USP6NL: variants seen among roughly 807,000 people sequenced by gnomAD.
USP6NL encodes USP6 N-terminal-like protein.
USP6NL carries 26 observed loss-of-function variants against 61.9 expected under a neutral mutation model. The observed-to-expected ratio is 0.42, with a 90% CI of 0.31 to 0.58. The LOEUF is 0.58. Among genes scored for constraint, USP6NL ranks in the 20% least tolerant of loss-of-function variants. The pLI, the probability that USP6NL is intolerant of heterozygous loss-of-function variation, is 0.16. For synonymous variants in USP6NL, 432 were observed against 390.1 expected (o/e 1.11, Z -1.27); for missense variants, 1,114 against 1,034.3 (o/e 1.08, Z -1.06).
intron 2 of USP6NL, chr10:11,573,590 A>C: frequency 2.5e-6 from 1 of 398,818 alleles, no homozygotes; most frequent in South Asian, 1.3e-4. Flanking sequence ...TTGATTGTTC[A>C]TTCTGCTAAT....
intron 1 of USP6NL, among the ~76,000 whole-genome samples, chr10:11,603,556 C>A (rs945261720): frequency 9.2e-5 from 14 of 152,178 alleles, no homozygotes; most frequent in African/African-American, 2.9e-4. Flanking sequence ...AGCACTATAG[C>A]AGACACCATG....
Position 11,490,933 on chromosome 10 carries a change from A to G in USP6NL, c.495-53T>C. 19 of 1,453,292 alleles carry G rather than the reference A, an allele frequency of 1.3e-5. No homozygotes were observed. Among genetic ancestry groups the G allele is most frequent in the Non-Finnish European group, 1.8e-5 (19 of 1,084,008 alleles). The allele number at this position is 1,453,292 out of a possible 1,614,324, so 90.0% of individuals were successfully genotyped here. A position where few individuals can be genotyped will look rare whatever the true frequency, so the allele number is the denominator to read the frequency against. ...AATTTAGTAATTTCACATATTTTAA[A>G]AATTACAAACTTAAAAAAATAAACC... On this transcript the variant is annotated intron_variant, in intron 8 of 14. Transcript: ENST00000609104. The surrounding 1 kb of genome is among the most constrained non-coding windows in gnomAD (Gnocchi z 4.5).
chr10:11,502,975 C>T (rs1341203222), intron 6 of USP6NL, among the ~76,000 whole-genome samples: 1 of 152,134 alleles, frequency 6.6e-6, no homozygotes, highest in African/African-American at 2.4e-5. Context: ...ACATGCTCGA[C>T]AAGCATGTGT....
At position 11,470,182 on chromosome 10, in the gene USP6NL, A is replaced by C. The variant is rs1443608037; in HGVS notation, c.1079-6333T>G. Among the ~76,000 whole-genome samples the C allele has an allele frequency of 6.6e-6, 1 of 152,144 alleles. No individual in the cohort carries two copies. The highest frequency in any genetic ancestry group is 6.6e-5 in the Admixed American group (1 of 15,266). On this transcript the variant is annotated intron_variant, in intron 14 of 14. Coordinates refer to ENST00000609104, the MANE Select transcript of USP6NL (RefSeq NM_014688.5). The surrounding 1 kb of genome is among the most constrained non-coding windows in gnomAD (Gnocchi z 5.4). ...GGCGGGGAGGTCACGGAAGGCAAGT[A>C]ATGGAGAGGACCAGAGAAGCAGCCA...
chr10:11,503,622 T>G (rs570192663), intron 6 of USP6NL, among the ~76,000 whole-genome samples: 1 of 152,188 alleles, frequency 6.6e-6, no homozygotes, highest in Non-Finnish European at 1.5e-5. Context: ...GCATTTACCA[T>G]GCACAAGAAA....
rs77896587 is a variant in USP6NL, at chr10:11,597,704, G to A, written c.-70C>T. The A allele has an allele frequency of 4.7e-4, 591 of 1,248,052 alleles. 3 individuals carry two copies. In the East Asian group the frequency reaches 0.014, roughly 29 times the overall value. The allele number at this position is 1,248,052 out of a possible 1,614,324, so 77.3% of individuals were successfully genotyped here. ...AAAATCTGCTGTCCAAGGTTTCTCA[G>A]AGGAATACATGTCCTAGTCAGGAAA... On this transcript the variant is annotated 5_prime_UTR_variant, in exon 2 of 15. Coordinates refer to ENST00000609104, the MANE Select transcript of USP6NL (RefSeq NM_014688.5). The surrounding 1 kb of genome is among the most constrained non-coding windows in gnomAD (Gnocchi z 4.6).
At chr10:11,560,220 T>C (rs1265645582) in intron 2 of USP6NL, among the ~76,000 whole-genome samples, 1 of 152,128 alleles carries the variant, frequency 6.6e-6, no homozygotes, top group Non-Finnish European at 1.5e-5. Context: ...ACATAAACTA[T>C]CTCCACTTAA....
At chr10:11,560,715 T>A (rs11257170) in intron 2 of USP6NL, among the ~76,000 whole-genome samples, 708 of 37,888 alleles carry the variant, frequency 0.019, 3 homozygotes, top group East Asian at 0.14. Context: ...ATATATATAT[T>A]ATATATATAT....
At chr10:11,580,500 A>C (rs752851028) in intron 2 of USP6NL, among the ~76,000 whole-genome samples, 1 of 152,214 alleles carries the variant, frequency 6.6e-6, no homozygotes, top group East Asian at 1.9e-4. Flanking sequence ...ACAAGAACTT[A>C]ATAAAGTTTC....
At chr10:11,538,860 C>A (rs1201845429) in intron 2 of USP6NL, among the ~76,000 whole-genome samples, 2 of 152,166 alleles carry the variant, frequency 1.3e-5, no homozygotes, top group African/African-American at 4.8e-5. Flanking sequence ...ATGAAGTGCT[C>A]GAGAGACTCA....
At chr10:11,536,358 G>A (rs888316865) in intron 2 of USP6NL, among the ~76,000 whole-genome samples, 1 of 152,206 alleles carries the variant, frequency 6.6e-6, no homozygotes, top group Non-Finnish European at 1.5e-5. Flanking sequence ...GGCCCAGAGA[G>A]ATGTGCATAT....
Position 11,463,610 on chromosome 10 carries a change from TCTC to T in USP6NL, c.1315_1317del (p.Glu439del). 1.2e-6 allele frequency: 2 copies of T among 1,613,972 alleles called. No individual in the cohort carries two copies. The highest frequency in any genetic ancestry group is 1.1e-5 in the South Asian group (1 of 91,082). On this transcript the variant is annotated inframe_deletion, in exon 15 of 15. Coordinates refer to ENST00000609104, the MANE Select transcript of USP6NL (RefSeq NM_014688.5). The surrounding 1 kb of genome is among the most constrained non-coding windows in gnomAD (Gnocchi z 6.3). ...TCTGCCTCATCTTTAAGCTTTTTGC[TCTC>T]CTCCTCCACCGATTTCCGTCTTGGC... is the stretch of plus-strand genomic sequence containing the variant.
At chr10:11,582,963 C>T (rs1003851323) in intron 2 of USP6NL, among the ~76,000 whole-genome samples, 5 of 148,880 alleles carry the variant, frequency 3.4e-5, no homozygotes, top group African/African-American at 1.2e-4. Context: ...ATGCGAATTG[C>T]TGTTTTACAG....
chr10:11,504,884 T>G (rs1039675183), intron 6 of USP6NL, among the ~76,000 whole-genome samples: 2 of 152,192 alleles, frequency 1.3e-5, no homozygotes, highest in South Asian at 2.1e-4. Context: ...GACTCCCCAG[T>G]GAGCCAGAGT....
Position 11,532,150 on chromosome 10 carries a change from AAC to A in USP6NL, c.5-4585_5-4584del, listed in dbSNP as rs1369188209. 6.7e-7 allele frequency: 1 copy of A among 1,485,566 alleles called. No homozygotes were observed. Among genetic ancestry groups the A allele is most frequent in the East Asian group, 2.3e-5 (1 of 43,218 alleles). The allele number at this position is 1,485,566 out of a possible 1,614,324, so 92.0% of individuals were successfully genotyped here. A position where few individuals can be genotyped will look rare whatever the true frequency, so the allele number is the denominator to read the frequency against. On this transcript the variant is annotated intron_variant, in intron 2 of 14. Transcript: ENST00000609104. The surrounding 1 kb of genome is among the most constrained non-coding windows in gnomAD (Gnocchi z 4.1). ...TTGACAGATGAACGTTAAAAATATA[AAC>A]AACATCAATTTTAAAAGTACTTTAC... is the stretch of plus-strand genomic sequence containing the variant.
rs1833863156 is a variant in USP6NL, at chr10:11,495,086, C to T, written c.385-1858G>A. Among the ~76,000 whole-genome samples the T allele has an allele frequency of 6.6e-6, 1 of 152,210 alleles. No homozygotes were observed. The highest frequency in any genetic ancestry group is 2.4e-5 in the African/African-American group (1 of 41,452). ...AGACCTCGGTCCGCCTGGCAACGGG[C>T]GTCTTCCCAGATGCTGGCGTTACCG... On this transcript the variant is annotated intron_variant, in intron 7 of 14. Coordinates refer to ENST00000609104, the MANE Select transcript of USP6NL (RefSeq NM_014688.5). The surrounding 1 kb of genome is among the most constrained non-coding windows in gnomAD (Gnocchi z 4.6).
chr10:11,501,277 CT>C (rs1253315453), intron 6 of USP6NL, 69 bp from the exon 7 acceptor site: 1 of 1,221,870 alleles, frequency 8.2e-7, no homozygotes, highest in Non-Finnish European at 1.1e-6. Context: ...TACAGTTAAT[CT>C]TGCTAATATT....
At chr10:11,512,874 G>A (rs1354289040) in intron 5 of USP6NL, among the ~76,000 whole-genome samples, 1 of 152,088 alleles carries the variant, frequency 6.6e-6, no homozygotes, top group Non-Finnish European at 1.5e-5. Flanking sequence ...AGATGACCTG[G>A]GTTCAAATCT....
At chr10:11,500,679 C>T (rs533229201) in intron 7 of USP6NL, among the ~76,000 whole-genome samples, 3 of 152,048 alleles carry the variant, frequency 2.0e-5, no homozygotes, top group South Asian at 2.1e-4. Context: ...AAGAATCATA[C>T]ACAGCAGGTG....
Sources: allele counts gnomAD v4.1 joint callset (sites outside exome capture counted in the v4.1 genomes callset), GRCh38; gene constraint gnomAD v4.1.1; non-coding constraint Gnocchi (gnomAD v3.1); transcripts MANE v1.5; gene names NCBI Gene and HGNC (gene_info 2026-07-23, HGNC 2026-07-21).